Variants in RASSF8 observed in about 807,000 individuals in gnomAD.
RASSF8 encodes the protein ras association domain-containing protein 8.
Under a neutral mutation model 48.5 loss-of-function variants are expected in RASSF8, and 22 were observed. That is an observed-to-expected ratio of 0.45 (90% CI 0.32 to 0.65). The LOEUF is 0.65. Among genes scored for constraint, RASSF8 ranks in the 30% least tolerant of loss-of-function variants. RASSF8 has a pLI of 0.03. For synonymous variants in RASSF8, 127 were observed against 171.5 expected (o/e 0.74, Z 2.03); for missense variants, 418 against 489.2 (o/e 0.85, Z 1.37).
chr12:25,990,734 T>C (rs931373572), intron 1 of RASSF8, among the ~76,000 whole-genome samples: 2 of 152,244 alleles, frequency 1.3e-5, no homozygotes, highest in African/African-American at 4.8e-5. Context: ...CCCACTCTTT[T>C]ATTAGACAAC....
chr12:26,065,016 C>T lies in RASSF8; in HGVS notation c.622C>T (p.Arg208Cys), dbSNP rs1028664607. ...YNSNLEEEIV[R>C]LEQKIKRNDV... is the part of the protein sequence containing the mutation. Reference sequence around the variant, plus strand: ...TTCCAACCTTGAAGAGGAAATTGTCCGTCTAGAGCAAAAGATCAAAAGAAA... The same window carrying T: ...TTCCAACCTTGAAGAGGAAATTGTCTGTCTAGAGCAAAAGATCAAAAGAAA... The change falls in exon 4 of 6, where the codon CGT becomes TGT. Residue 208 changes from arginine (R) to cysteine (C), a missense_variant. By Grantham distance (180) the Arg-to-Cys change is radical. Transcript: ENST00000689635. 8.7e-6 allele frequency: 14 copies of T among 1,611,816 alleles called. No homozygotes were observed. The highest frequency in any genetic ancestry group is 8.0e-5 in the African/African-American group (6 of 74,596).
chr12:25,986,950 G>GGTTT (rs67523605), intron 1 of RASSF8, among the ~76,000 whole-genome samples: 12,057 of 149,572 alleles, frequency 0.081, 808 homozygotes, highest in East Asian at 0.27. Context: ...TTGTTTGTTT[G>GGTTT]TTTTGCAACG....
chr12:25,973,218 T>A (rs1228037919), intron 1 of RASSF8, among the ~76,000 whole-genome samples: 1 of 149,416 alleles, frequency 6.7e-6, no homozygotes, highest in East Asian at 2.0e-4. Context: ...TTTTTTTTTT[T>A]AGAAGCAAAG....
At chr12:26,045,298 A>C (rs896715686) in intron 2 of RASSF8, among the ~76,000 whole-genome samples, 1 of 152,196 alleles carries the variant, frequency 6.6e-6, no homozygotes, top group African/African-American at 2.4e-5. Flanking sequence ...GAATAAGTAT[A>C]GTAAAGAAAT....
At chr12:26,026,363 G>A (rs553354178) in intron 2 of RASSF8, among the ~76,000 whole-genome samples, 18 of 152,290 alleles carry the variant, frequency 1.2e-4, no homozygotes, top group African/African-American at 4.3e-4. Context: ...GATGTTTGAC[G>A]TTATTAGCCT....
At chr12:25,999,165 G>T (rs1221324648) in intron 2 of RASSF8, among the ~76,000 whole-genome samples, 2 of 152,012 alleles carry the variant, frequency 1.3e-5, no homozygotes, top group Non-Finnish European at 2.9e-5. Context: ...ACCTAAACTA[G>T]CCTGGGTCAT....
At chr12:26,002,810 G>A (rs946358849) in intron 2 of RASSF8, among the ~76,000 whole-genome samples, 4 of 152,222 alleles carry the variant, frequency 2.6e-5, no homozygotes, top group Admixed American at 6.5e-5. Flanking sequence ...GTGTTGAATC[G>A]GAGTGGTGAA....
chr12:26,019,883 A>G (rs1045117332), intron 2 of RASSF8, among the ~76,000 whole-genome samples: 9 of 151,948 alleles, frequency 5.9e-5, no homozygotes, highest in Non-Finnish European at 1.3e-4. Flanking sequence ...CTGGATATTG[A>G]TTGGTTGATA....
intron 2 of RASSF8, among the ~76,000 whole-genome samples, chr12:26,032,596 G>GT (rs150531668): frequency 0.08 from 12,112 of 152,084 alleles, 530 homozygotes; most frequent in African/African-American, 0.12. Context: ...TTTCCTGGCA[G>GT]TTTTTTTATT....
At chr12:26,048,195 T>G (rs190921037) in intron 2 of RASSF8, among the ~76,000 whole-genome samples, 1 of 152,222 alleles carries the variant, frequency 6.6e-6, no homozygotes, top group African/African-American at 2.4e-5. Context: ...CTGTGCACTG[T>G]GCTGATCCAT....
intron 1 of RASSF8, among the ~76,000 whole-genome samples, chr12:25,988,311 CA>C (rs1398658626): frequency 6.6e-6 from 1 of 152,112 alleles, no homozygotes; most frequent in Admixed American, 6.5e-5. Flanking sequence ...GCCTTCAACT[CA>C]AAACTGTCAG....
At chr12:25,987,881 T>G (rs1426412328) in intron 1 of RASSF8, among the ~76,000 whole-genome samples, 1 of 151,860 alleles carries the variant, frequency 6.6e-6, no homozygotes, top group East Asian at 1.9e-4. Flanking sequence ...AAATGGAATC[T>G]CACTCTGTCA....
chr12:25,990,623 CCTTA>C (rs1941992466), intron 1 of RASSF8, among the ~76,000 whole-genome samples: 1 of 152,154 alleles, frequency 6.6e-6, no homozygotes, highest in African/African-American at 2.4e-5. Context: ...AAGATACCTT[CCTTA>C]CTAACATTGT....
Position 25,963,374 on chromosome 12 carries a change from T to G in RASSF8, c.-203+4226T>G, listed in dbSNP as rs901282674. On this transcript the variant is annotated intron_variant, in intron 1 of 5. Transcript: ENST00000689635. ...ATGACCTTCCAAGGCCAAGGAAGGC[T>G]TACAGCTTTGAGTATTTTTGTCATG... Among the ~76,000 whole-genome samples, 3 of 151,018 alleles carry G rather than the reference T, an allele frequency of 2.0e-5. No individual in the cohort carries two copies. The South Asian group carries it at 6.3e-4, about 32-fold the overall frequency.
chr12:26,019,351 A>G (rs1459579887), intron 2 of RASSF8, among the ~76,000 whole-genome samples: 1 of 152,210 alleles, frequency 6.6e-6, no homozygotes, highest in Non-Finnish European at 1.5e-5. Context: ...AAAATAAATA[A>G]GTATATATTT....
In RASSF8 at chr12:26,068,702, C is replaced by G. The variant is rs1943936713; in HGVS notation, c.1144C>G (p.Pro382Ala). ...ASHADIEREA[P>A]FQSGSLKRPG... is the part of the protein sequence containing the mutation. The stretch of plus-strand genomic sequence containing the variant: ...TCTCTTTGTTTCCTGTTTAGAGGCA[C>G]CATTCCAGTCTGGGTCCCTGAAGCG... The change falls in exon 6 of 6, where the codon CCA (proline) becomes GCA (alanine). Residue 382 changes from proline to alanine, a missense_variant. Pro to Ala is a conservative substitution (Grantham distance 27, BLOSUM62 -1). Coordinates refer to ENST00000689635, the MANE Select transcript of RASSF8 (RefSeq NM_001394098.1). The G allele has an allele frequency of 6.5e-7, 1 of 1,537,086 alleles. No homozygotes were observed. Among genetic ancestry groups the G allele is most frequent in the African/African-American group, 1.4e-5 (1 of 73,042 alleles).
intron 2 of RASSF8, among the ~76,000 whole-genome samples, chr12:26,051,508 TTAAATA>T (rs1199390341): frequency 1.3e-5 from 2 of 152,208 alleles, no homozygotes; most frequent in African/African-American, 4.8e-5. Context: ...TTAATAAACA[TTAAATA>T]TAAACATTTA....
Position 26,026,335 on chromosome 12 carries a change from C to A in RASSF8, c.-108-28901C>A, listed in dbSNP as rs144277944. ...TAGACAAATATCTATGTACAAATGG[C>A]CAATCAGCAAATGAAAAGATGTTTG... On this transcript the variant is annotated intron_variant, in intron 2 of 5. Transcript: ENST00000689635. Among the ~76,000 whole-genome samples, 4 of 152,160 alleles carry A rather than the reference C, an allele frequency of 2.6e-5. No individual in the cohort carries two copies. In the East Asian group the frequency reaches 7.7e-4, roughly 29 times the overall value.
At chr12:26,072,894 C>T, downstream of RASSF8, 1 of 844,918 alleles carries the variant, frequency 1.2e-6, no homozygotes, top group Non-Finnish European at 1.4e-6. Context: ...TTGTTTCTTA[C>T]ATCCTTTATA....
Sources: allele counts gnomAD v4.1 joint callset (sites outside exome capture counted in the v4.1 genomes callset), GRCh38; gene constraint gnomAD v4.1.1; transcripts MANE v1.5; gene names NCBI Gene and HGNC (gene_info 2026-07-23, HGNC 2026-07-21).